KALRN: variants seen among roughly 807,000 people sequenced by gnomAD.
The protein encoded by KALRN is kalirin.
In KALRN, 70 loss-of-function variants were observed where a neutral mutation model predicts 353.7. That is an observed-to-expected ratio of 0.20 (90% CI 0.16 to 0.24). The LOEUF is 0.24. Ranked by LOEUF, KALRN falls within the 10% of genes least tolerant of loss-of-function variation. The pLI, the probability that KALRN is intolerant of heterozygous loss-of-function variation, is 1.00. For missense variants in KALRN, 2,791 were observed against 3,756.7 expected (o/e 0.74, Z 6.72); for synonymous variants, 1,391 against 1,434.8 (o/e 0.97, Z 0.69).
intron 33 of KALRN, chr3:124,518,493 A>C: frequency 1.2e-6 from 2 of 1,613,738 alleles, no homozygotes; most frequent in Non-Finnish European, 1.7e-6. Context: ...CCTGCAGCTC[A>C]CCGGGTTAGC....
intron 1 of KALRN, among the ~76,000 whole-genome samples, chr3:124,148,565 A>T (rs1386145642): frequency 6.6e-6 from 1 of 152,220 alleles, no homozygotes; most frequent in African/African-American, 2.4e-5. Context: ...ACATCAAAAC[A>T]TCAGTTCTAG....
intron 10 of KALRN, among the ~76,000 whole-genome samples, chr3:124,382,143 G>T (rs1350198250): frequency 6.6e-6 from 1 of 152,138 alleles, no homozygotes; most frequent in East Asian, 1.9e-4. Context: ...TGTAAAATGG[G>T]TATGATGGCT....
At chr3:124,446,102 G>A (rs2093831159) in intron 19 of KALRN, 59 bp from the exon 20 acceptor site, 2 of 1,103,478 alleles carry the variant, frequency 1.8e-6, no homozygotes, top group East Asian at 2.4e-5. Context: ...GGGGCTGAAG[G>A]GGTTGGTTGG....
Position 124,317,664 on chromosome 3 carries a change from C to T in KALRN, c.1093-8316C>T, listed in dbSNP as rs149736468. Among the ~76,000 whole-genome samples the T allele has an allele frequency of 4.6e-4, 60 of 131,034 alleles. No homozygotes were observed. The East Asian group carries it at 0.014, about 30-fold the overall frequency. The allele number at this position is 131,034 out of a possible 152,430, so 86.0% of individuals were successfully genotyped here. A position where few individuals can be genotyped will look rare whatever the true frequency, so the allele number is the denominator to read the frequency against. On this transcript the variant is annotated intron_variant, in intron 6 of 59. Transcript: ENST00000682506. ...CCTGAAATACTGTATTTCTAACAAG[C>T]TGCTAGGTGAAGCCAGTGTCACAGA...
chr3:124,068,951 C>T (rs1448777217), intron 1 of KALRN, among the ~76,000 whole-genome samples: 1 of 152,176 alleles, frequency 6.6e-6, no homozygotes, highest in Admixed American at 6.5e-5. Flanking sequence ...TGCATTGAGA[C>T]TGAAGACTGA....
intron 6 of KALRN, among the ~76,000 whole-genome samples, chr3:124,320,715 T>C (rs2079244552): frequency 6.6e-6 from 1 of 152,168 alleles, no homozygotes; most frequent in African/African-American, 2.4e-5. Flanking sequence ...GGAAGGACAT[T>C]GTATTGAAAG....
At chr3:124,061,927 C>T (rs926383373) in intron 1 of KALRN, among the ~76,000 whole-genome samples, 2 of 111,022 alleles carry the variant, frequency 1.8e-5, no homozygotes, top group Non-Finnish European at 3.8e-5. Context: ...TTTAGAACAA[C>T]AGAAGAGCAG....
chr3:124,368,970 G>A (rs934684830), intron 10 of KALRN, among the ~76,000 whole-genome samples: 6 of 151,912 alleles, frequency 3.9e-5, no homozygotes, highest in African/African-American at 1.4e-4. Flanking sequence ...GAATCAGGCA[G>A]GGAGGTTGCA....
At chr3:124,034,782 A>G (rs2039257242) in intron 1 of KALRN, among the ~76,000 whole-genome samples, 3 of 152,016 alleles carry the variant, frequency 2.0e-5, no homozygotes, top group South Asian at 4.2e-4. Context: ...TGTCTGAAAC[A>G]GTTTTGTCTG....
chr3:124,202,071 G>A (rs868855339), intron 1 of KALRN, among the ~76,000 whole-genome samples: 2 of 152,316 alleles, frequency 1.3e-5, no homozygotes, highest in South Asian at 4.1e-4. Flanking sequence ...TCACTTGCAG[G>A]GGAAAGCACA....
At chr3:124,337,644 G>T (rs112756110) in intron 9 of KALRN, among the ~76,000 whole-genome samples, 10,294 of 152,236 alleles carry the variant, frequency 0.068, 1,151 homozygotes, top group African/African-American at 0.23. Context: ...GTATCAGGAT[G>T]ATGCTGGCCT....
At chr3:124,137,430 G>T (rs1362365400) in intron 1 of KALRN, among the ~76,000 whole-genome samples, 1 of 152,118 alleles carries the variant, frequency 6.6e-6, no homozygotes, top group Non-Finnish European at 1.5e-5. Flanking sequence ...GTGAGCAAAG[G>T]TGTAGGGTGG....
chr3:124,500,198 T>C (rs1283789913), intron 33 of KALRN, among the ~76,000 whole-genome samples: 1 of 152,222 alleles, frequency 6.6e-6, no homozygotes, highest in Non-Finnish European at 1.5e-5. Context: ...GGCAGGTGAC[T>C]TAGTAACCTG....
intron 5 of KALRN, among the ~76,000 whole-genome samples, chr3:124,281,624 G>C (rs757724461): frequency 7.9e-5 from 12 of 152,178 alleles, no homozygotes; most frequent in Non-Finnish European, 1.5e-4. Flanking sequence ...TACTCTCTCT[G>C]TTCTGCCCTG....
At chr3:124,070,151 A>G (rs1386647790) in intron 1 of KALRN, among the ~76,000 whole-genome samples, 3 of 152,158 alleles carry the variant, frequency 2.0e-5, no homozygotes, top group Non-Finnish European at 4.4e-5. Context: ...TTTGATCCCT[A>G]TATTCTGGGG....
intron 34 of KALRN, among the ~76,000 whole-genome samples, chr3:124,605,872 A>G (rs916639090): frequency 3.9e-5 from 6 of 152,186 alleles, no homozygotes; most frequent in Non-Finnish European, 2.9e-5. Flanking sequence ...ATCTGCCTCC[A>G]TCACCACCCC....
chr3:124,642,251 T>C (rs116153464), intron 37 of KALRN, among the ~76,000 whole-genome samples: 16,981 of 151,400 alleles, frequency 0.11, 1,032 homozygotes, highest in African/African-American at 0.13. Flanking sequence ...GCCACTGCAC[T>C]CCAGCCTGGG....
chr3:124,348,899 A>G (rs1395133307), intron 10 of KALRN, among the ~76,000 whole-genome samples: 2 of 152,064 alleles, frequency 1.3e-5, no homozygotes, highest in African/African-American at 4.8e-5. Flanking sequence ...TTGTATTTTT[A>G]GTAGAGATGG....
chr3:124,261,533 TC>T, intron 3 of KALRN, among the ~76,000 whole-genome samples: 1 of 152,182 alleles, frequency 6.6e-6, no homozygotes, highest in Non-Finnish European at 1.5e-5. Flanking sequence ...TCTTTCTCCA[TC>T]TCCTGAGTTA....
Sources: allele counts gnomAD v4.1 joint callset (sites outside exome capture counted in the v4.1 genomes callset), GRCh38; gene constraint gnomAD v4.1.1; transcripts MANE v1.5; gene names NCBI Gene and HGNC (gene_info 2026-07-23, HGNC 2026-07-21).